FRRS1: variants seen among roughly 807,000 people sequenced by gnomAD.
FRRS1 encodes ferric reductase 1.
Under a neutral mutation model 70.7 loss-of-function variants are expected in FRRS1, and 51 were observed. The observed-to-expected ratio is 0.72, with a 90% CI of 0.58 to 0.91. FRRS1 has a LOEUF of 0.91. FRRS1 is among the 40% of genes least tolerant of loss of function. FRRS1 has a pLI of 0.00. For missense variants in FRRS1, 672 were observed against 726.0 expected, an observed-to-expected ratio of 0.93 and a Z score of 0.86; for synonymous variants, 225 against 238.7, an observed-to-expected ratio of 0.94 and a Z score of 0.53.
intron 5 of FRRS1, 38 bp downstream of exon 5, chr1:99,742,141 A>G (rs1655995920): frequency 1.6e-6 from 2 of 1,289,130 alleles, no homozygotes; most frequent in Non-Finnish European, 1.1e-6. Flanking sequence ...GGCATGAGCC[A>G]CCATGCCTGG....
chr1:99,748,456 T>C, intron 3 of FRRS1, 117 bp downstream of exon 3: 1 of 860,988 alleles, frequency 1.2e-6, no homozygotes, highest in East Asian at 2.5e-5. Context: ...AGTATGATAG[T>C]ATCTTACAAA....
chr1:99,732,869 G>A lies in FRRS1; in HGVS notation c.760-3121C>T, dbSNP rs1486691900. 2.7e-5 allele frequency among the ~76,000 whole-genome samples: 4 copies of A among 148,494 alleles called. No homozygotes were observed. In the East Asian group the frequency reaches 7.9e-4, roughly 29 times the overall value. On this transcript the variant is annotated intron_variant, in intron 7 of 16. Coordinates refer to ENST00000646001, the MANE Select transcript of FRRS1 (RefSeq NM_001361041.2). ...ATTTTTTTTTTTTTTTTTGAGGCAG[G>A]ATCTTGTTCTGTCACCTAGGCTGGA...
intron 4 of FRRS1, 36 bp from the exon 5 acceptor site, chr1:99,742,309 C>T (rs890836700): frequency 8.1e-7 from 1 of 1,231,416 alleles, no homozygotes; most frequent in Non-Finnish European, 1.2e-6. Context: ...CATTCAGTCA[C>T]TCAATAGCTC....
Position 99,704,822 on chromosome 1 carries a change from G to T in FRRS1, c.*4206C>A, listed in dbSNP as rs945686857. 6.6e-5 allele frequency among the ~76,000 whole-genome samples: 10 copies of T among 152,140 alleles called. No individual in the cohort carries two copies. Among genetic ancestry groups the T allele is most frequent in the African/African-American group, 2.4e-4 (10 of 41,424 alleles). On this transcript the variant is annotated 3_prime_UTR_variant, in exon 17 of 17. Coordinates refer to ENST00000646001, the MANE Select transcript of FRRS1 (RefSeq NM_001361041.2). ...AAGGAGGAACAGTTGGCGGAGTTTG[G>T]CCGGGGCAATCAGAGGAGAGCCCAG... is the stretch of plus-strand genomic sequence containing the variant.
chr1:99,715,322 G>A (rs768127765), intron 12 of FRRS1, among the ~76,000 whole-genome samples: 5 of 152,100 alleles, frequency 3.3e-5, no homozygotes, highest in African/African-American at 1.2e-4. Flanking sequence ...CCACTCTATA[G>A]TGAGAAAAAA....
At chr1:99,712,324 T>C (rs1309980172) in intron 13 of FRRS1, 94 bp downstream of exon 13, 3 of 1,066,108 alleles carry the variant, frequency 2.8e-6, no homozygotes, top group Non-Finnish European at 1.4e-6. Context: ...CTGAATTTTA[T>C]AAAATGCAAA....
Position 99,738,264 on chromosome 1 carries a change from C to A in FRRS1, c.581G>T (p.Ser194Ile), listed in dbSNP as rs773751636. The A allele has an allele frequency of 2.5e-6, 4 of 1,584,982 alleles. No homozygotes were observed. The East Asian group carries it at 9.1e-5, about 36-fold the overall frequency. The change falls in exon 7 of 17, where the codon AGT (serine) becomes ATT (isoleucine). Residue 194 changes from serine (S) to isoleucine (I), a missense_variant. By Grantham distance (142) the Ser-to-Ile change is moderately radical. Transcript: ENST00000646001. ...CTTCTTGTTCCCACAATCTGAGGCA[C>A]TGAACTAGAAAAATGACAGAGGAAA... Reference protein sequence around the residue: ...PPVSHLTKPFSASDCGNKKFC... With the variant: ...PPVSHLTKPFIASDCGNKKFC...
Position 99,710,840 on chromosome 1 carries a change from A to G in FRRS1, c.1590T>C (p.Val530=). The change falls in exon 15 of 17, where the codon GTT becomes GTC. Residue 530 remains valine, a synonymous_variant. Transcript: ENST00000646001. The part of the protein sequence containing the change: ...FVAWHVGTEV[V]LEVHAYRLSR... ...AGAGCCGATAAGCATGTACCTCCAG[A>G]ACAACCTCAGTCCCAACATGCCAGG... is the stretch of plus-strand genomic sequence containing the variant. 6.2e-7 allele frequency: 1 copy of G among 1,614,058 alleles called. No individual in the cohort carries two copies. Among genetic ancestry groups the G allele is most frequent in the Non-Finnish European group, 8.5e-7 (1 of 1,179,944 alleles).
At chr1:99,727,072 C>T (rs551735686) in intron 9 of FRRS1, among the ~76,000 whole-genome samples, 1 of 152,290 alleles carries the variant, frequency 6.6e-6, no homozygotes, top group East Asian at 1.9e-4. Context: ...ATTCCAACTG[C>T]ACCGTTTACT....
chr1:99,735,424 C>T (rs956051072), intron 7 of FRRS1, among the ~76,000 whole-genome samples: 5 of 152,104 alleles, frequency 3.3e-5, no homozygotes, highest in African/African-American at 4.8e-5. Context: ...TTTAGGTTAT[C>T]GAATGAGTAT....
At chr1:99,743,429 C>T (rs1656074024) in intron 4 of FRRS1, among the ~76,000 whole-genome samples, 1 of 152,000 alleles carries the variant, frequency 6.6e-6, no homozygotes. Context: ...TTTGAAAAAA[C>T]TCAGACAAAC....
intron 4 of FRRS1, among the ~76,000 whole-genome samples, chr1:99,744,447 A>T (rs1456913844): frequency 1.3e-5 from 2 of 152,136 alleles, no homozygotes; most frequent in African/African-American, 4.8e-5. Context: ...TAAGAAAATC[A>T]TTGAAGATAC....
chr1:99,749,977 A>G (rs778890982), intron 1 of FRRS1, among the ~76,000 whole-genome samples: 3 of 152,252 alleles, frequency 2.0e-5, no homozygotes, highest in Admixed American at 6.5e-5. Flanking sequence ...TCTATATCAT[A>G]TATCTGGTCA....
At chr1:99,742,307 C>A (rs748908540) in intron 4 of FRRS1, 34 bp from the exon 5 acceptor site, 6 of 1,246,956 alleles carry the variant, frequency 4.8e-6, no homozygotes, top group South Asian at 2.4e-5. Flanking sequence ...ACCATTCAGT[C>A]ACTCAATAGC....
Position 99,740,911 on chromosome 1 carries a change from T to C in FRRS1, c.458A>G (p.Tyr153Cys), listed in dbSNP as rs201497224. 1.9e-6 allele frequency: 3 copies of C among 1,608,248 alleles called. No homozygotes were observed. Among genetic ancestry groups the C allele is most frequent in the Middle Eastern group, 1.7e-4 (1 of 6,048 alleles). Residue 153 changes from tyrosine (Y) to cysteine (C), a missense_variant, in exon 6 of 17, where the codon TAC becomes TGC. Physicochemically the swap from Tyr to Cys is radical, Grantham distance 194. Coordinates refer to ENST00000646001, the MANE Select transcript of FRRS1 (RefSeq NM_001361041.2). ...TATAGGACCAGGAATCTTCACCCAGTAGATTTTATACTTCTCAACAACTGT... is the reference window on the plus strand; with the variant it reads ...TATAGGACCAGGAATCTTCACCCAGCAGATTTTATACTTCTCAACAACTGT... The part of the protein sequence containing the change: ...LVTVVEKYKI[Y>C]WVKIPGPIIS...
At chr1:99,725,450 T>C (rs376260482) in intron 9 of FRRS1, among the ~76,000 whole-genome samples, 6 of 152,352 alleles carry the variant, frequency 3.9e-5, no homozygotes, top group South Asian at 2.1e-4. Context: ...GTTATCAAAC[T>C]ACAGCACACA....
In FRRS1 at chr1:99,706,048, C is replaced by T. The variant is rs1475989931; in HGVS notation, c.*2980G>A. ...GCATTTGCAATTTGTGGATACCAAC[C>T]ACCCATAAGCAGAAGAAGAATAATT... On this transcript the variant is annotated 3_prime_UTR_variant, in exon 17 of 17. Transcript: ENST00000646001. Among the ~76,000 whole-genome samples, 1 of 151,810 alleles carries T rather than the reference C, an allele frequency of 6.6e-6. No individual in the cohort carries two copies. Among genetic ancestry groups the T allele is most frequent in the Non-Finnish European group, 1.5e-5 (1 of 67,964 alleles).
chr1:99,710,165 C>G (rs1257251926), intron 15 of FRRS1, among the ~76,000 whole-genome samples: 1 of 152,154 alleles, frequency 6.6e-6, no homozygotes, highest in Admixed American at 6.5e-5. Flanking sequence ...TAGAAGGCCA[C>G]CTTCACTTAT....
At chr1:99,718,559 C>T (rs369200774) in intron 10 of FRRS1, among the ~76,000 whole-genome samples, 25 of 152,296 alleles carry the variant, frequency 1.6e-4, no homozygotes, top group African/African-American at 6.0e-4. Context: ...AAACTCCTGA[C>T]CTCAAGTGAT....
Sources: gnomAD v4.1 joint callset for allele counts (sites outside exome capture counted in the v4.1 genomes callset) on GRCh38, gnomAD v4.1.1 for gene constraint, MANE v1.5 for transcripts, NCBI Gene and HGNC (gene_info 2026-07-23, HGNC 2026-07-21) for gene names.